PDE12: variants seen among roughly 807,000 people sequenced by gnomAD.
PDE12 encodes the protein phosphodiesterase 12.
Under a neutral mutation model 45.4 loss-of-function variants are expected in PDE12, and 26 were observed. That is an observed-to-expected ratio of 0.57 (90% CI 0.42 to 0.79). The LOEUF (loss-of-function observed/expected upper bound fraction) is 0.79, where lower values mean the gene tolerates loss of function less well. Among genes scored for constraint, PDE12 ranks in the 30% least tolerant of loss-of-function variants. The probability of loss-of-function intolerance (pLI) is 0.00; values close to 1 mark genes in which losing one functional copy is unlikely to be tolerated. For synonymous variants in PDE12, 283 were observed against 323.9 expected, an observed-to-expected ratio of 0.87 and a Z score of 1.36; for missense variants, 668 against 790.0, an observed-to-expected ratio of 0.85 and a Z score of 1.85.
At chr3:57,644,306 AC>A in the PDE12 span, among the ~76,000 whole-genome samples, 6 of 151,956 alleles carry the variant, frequency 3.9e-5, no homozygotes, top group African/African-American at 1.4e-4. Flanking sequence ...TTAGAGATTT[AC>A]AAAAAAATTT....
the PDE12 span, among the ~76,000 whole-genome samples, chr3:57,635,171 A>G: frequency 6.6e-6 from 1 of 152,276 alleles, no homozygotes; most frequent in Non-Finnish European, 1.5e-5. Context: ...TTAAATGACT[A>G]TGCAGATGTA....
chr3:57,590,567 CAA>C, the PDE12 span, among the ~76,000 whole-genome samples: 2 of 152,138 alleles, frequency 1.3e-5, no homozygotes, highest in African/African-American at 4.8e-5. Flanking sequence ...ACTGGAAAGA[CAA>C]AAGAGTATTT....
chr3:57,620,482 C>T, the PDE12 span, among the ~76,000 whole-genome samples: 6 of 151,766 alleles, frequency 4.0e-5, no homozygotes, highest in Admixed American at 6.6e-5. Flanking sequence ...TTCTAGCCAG[C>T]GCAATCAAAG....
At position 57,556,759 on chromosome 3, in the gene PDE12, A is replaced by G; in HGVS notation, c.380A>G (p.Tyr127Cys). The change falls in exon 1 of 3, where the codon TAC becomes TGC. Residue 127 changes from tyrosine (Y) to cysteine (C), a missense_variant. Physicochemically the swap from Tyr to Cys is radical, Grantham distance 194. Transcript: ENST00000311180. This position sits in a 1 kb window ranked among gnomAD's most constrained non-coding sequence, Gnocchi z 5.0. ...VFCEPVVKLY[Y>C]REEAVAEDVL... ...TGCGAGCCCGTGGTGAAGCTGTACT[A>G]CCGGGAAGAGGCAGTGGCTGAGGAC... 1 of 1,606,862 alleles carries G rather than the reference A, an allele frequency of 6.2e-7. No homozygotes were observed. Among genetic ancestry groups the G allele is most frequent in the Non-Finnish European group, 8.5e-7 (1 of 1,174,944 alleles).
the PDE12 span, chr3:57,634,726 T>C: frequency 1.5e-4 from 230 of 1,571,344 alleles, 1 homozygote; most frequent in East Asian, 4.7e-3. Flanking sequence ...CCAGAGTCTT[T>C]AGATTCTTCA....
the PDE12 span, among the ~76,000 whole-genome samples, chr3:57,611,061 G>C: frequency 6.6e-6 from 1 of 152,108 alleles, no homozygotes; most frequent in East Asian, 1.9e-4. Flanking sequence ...GAACAGAACA[G>C]AGCCCTCAGA....
the PDE12 span, among the ~76,000 whole-genome samples, chr3:57,640,948 C>G: frequency 6.6e-6 from 1 of 151,880 alleles, no homozygotes; most frequent in Non-Finnish European, 1.5e-5. Context: ...TACTGTATGT[C>G]TTTTCCATAT....
At chr3:57,638,044 G>A in the PDE12 span, among the ~76,000 whole-genome samples, 1 of 151,850 alleles carries the variant, frequency 6.6e-6, no homozygotes, top group East Asian at 1.9e-4. Context: ...TGAGACAGGA[G>A]AATCACTTGA....
the PDE12 span, chr3:57,654,726 T>G: frequency 1.0e-6 from 1 of 985,158 alleles, no homozygotes; most frequent in Non-Finnish European, 1.2e-6. Flanking sequence ...GGAATAGACC[T>G]TGACCTAGTG....
chr3:57,602,091 T>G, the PDE12 span, among the ~76,000 whole-genome samples: 1 of 152,074 alleles, frequency 6.6e-6, no homozygotes, highest in Admixed American at 6.6e-5. Flanking sequence ...AGCAGATATA[T>G]TCTATAAATA....
At chr3:57,651,321 C>T in the PDE12 span, among the ~76,000 whole-genome samples, 1 of 152,146 alleles carries the variant, frequency 6.6e-6, no homozygotes, top group East Asian at 1.9e-4. Flanking sequence ...AGGACATAAC[C>T]CCCTTATAAG....
chr3:57,592,161 C>T, the PDE12 span, among the ~76,000 whole-genome samples: 1 of 152,054 alleles, frequency 6.6e-6, no homozygotes, highest in Non-Finnish European at 1.5e-5. Context: ...ATGCTGCCAT[C>T]CTGCCTTTAG....
At chr3:57,586,605 A>C in the PDE12 span, among the ~76,000 whole-genome samples, 2 of 152,162 alleles carry the variant, frequency 1.3e-5, no homozygotes, top group African/African-American at 4.8e-5. Context: ...CCCAACTACT[A>C]GTCAGTGTGA....
At chr3:57,568,690 G>A (rs1411455644), downstream of PDE12, among the ~76,000 whole-genome samples, 2 of 151,292 alleles carry the variant, frequency 1.3e-5, no homozygotes, top group African/African-American at 4.9e-5. Flanking sequence ...CAAAGTGCTG[G>A]GATTACAGGC....
chr3:57,633,197 G>T, the PDE12 span: 3 of 1,310,548 alleles, frequency 2.3e-6, no homozygotes, highest in Non-Finnish European at 3.3e-6. Flanking sequence ...GTTTTGGAGG[G>T]CGGGAAAAAC....
the PDE12 span, among the ~76,000 whole-genome samples, chr3:57,578,312 TG>T: frequency 7.4e-4 from 111 of 150,944 alleles, no homozygotes; most frequent in East Asian, 7.9e-4. Context: ...CCCAGCACTA[TG>T]GGAAGCCAAG....
At chr3:57,585,396 A>C in the PDE12 span, among the ~76,000 whole-genome samples, 1 of 152,168 alleles carries the variant, frequency 6.6e-6, no homozygotes, top group African/African-American at 2.4e-5. Flanking sequence ...AATGATAATA[A>C]AGGAAGATGA....
At chr3:57,630,645 A>C in the PDE12 span, 8 of 1,555,038 alleles carry the variant, frequency 5.1e-6, no homozygotes, top group Non-Finnish European at 7.0e-6. Flanking sequence ...AATAAGCTTA[A>C]GTTTAGCTTT....
At chr3:57,636,149 G>A in the PDE12 span, among the ~76,000 whole-genome samples, 2 of 152,108 alleles carry the variant, frequency 1.3e-5, no homozygotes, top group African/African-American at 4.8e-5. Flanking sequence ...AGGAGTTAAA[G>A]GTATACACAG....
Sources: allele counts gnomAD v4.1 joint callset (sites outside exome capture counted in the v4.1 genomes callset), GRCh38; gene constraint gnomAD v4.1.1; non-coding constraint Gnocchi (gnomAD v3.1); transcripts MANE v1.5; gene names NCBI Gene and HGNC (gene_info 2026-07-23, HGNC 2026-07-21).